The following ELAVL4 variants were observed in gnomAD, a reference collection of about 807,000 sequenced individuals.
The protein encoded by ELAVL4 is ELAV like RNA binding protein 4.
Under a neutral mutation model 35.6 loss-of-function variants are expected in ELAVL4, and 1 was observed. The observed-to-expected ratio is 0.03, with a 90% CI of 0.01 to 0.13. The LOEUF is 0.13. ELAVL4 is among the 10% of genes least tolerant of loss of function. The pLI is 1.00. For missense variants in ELAVL4, 267 were observed against 464.9 expected, an observed-to-expected ratio of 0.57 and a Z score of 3.91; for synonymous variants, 156 against 171.0, an observed-to-expected ratio of 0.91 and a Z score of 0.69.
At chr1:50,073,348 A>G (rs1033640991) in intron 1 of ELAVL4, among the ~76,000 whole-genome samples, 2 of 152,216 alleles carry the variant, frequency 1.3e-5, no homozygotes, top group African/African-American at 4.8e-5. Flanking sequence ...GATATTTGAC[A>G]AATTCTTTTT....
chr1:50,172,313 A>G (rs1679158255), intron 2 of ELAVL4, among the ~76,000 whole-genome samples: 1 of 152,220 alleles, frequency 6.6e-6, no homozygotes, highest in Admixed American at 6.5e-5. Flanking sequence ...TATAACAAAA[A>G]TGCTTAACAC....
Position 50,202,315 on chromosome 1 carries a change from T to C in ELAVL4, c.*1137T>C, listed in dbSNP as rs755430592. On this transcript the variant is annotated 3_prime_UTR_variant, in exon 7 of 7. Coordinates refer to ENST00000371824, the MANE Select transcript of ELAVL4 (RefSeq NM_001144774.3). ...AAAAAGATTAATTTTCCTTTTGATC[T>C]AAAACTTCCTTAGTTTGAGCAGTAG... The C allele has an allele frequency of 2.0e-5, 3 of 152,204 alleles. No homozygotes were observed. Among genetic ancestry groups the C allele is most frequent in the Non-Finnish European group, 4.4e-5 (3 of 68,016 alleles). The allele number at this position is 152,204 out of a possible 1,614,324, so 9.4% of individuals were successfully genotyped here.
upstream of ELAVL4, among the ~76,000 whole-genome samples, chr1:50,103,585 T>C (rs572461888): frequency 1.3e-5 from 2 of 152,324 alleles, no homozygotes; most frequent in Non-Finnish European, 2.9e-5. Context: ...CTAGGTTTAT[T>C]TTTCAAGGGA....
intron 2 of ELAVL4, among the ~76,000 whole-genome samples, chr1:50,165,427 GATATAT>G (rs145697099): frequency 6.1e-5 from 9 of 147,110 alleles, no homozygotes; most frequent in African/African-American, 2.3e-4. Context: ...ACTAACAGGA[GATATAT>G]ATATATATAG....
At chr1:50,093,490 A>G (rs11579246) in intron 1 of ELAVL4, among the ~76,000 whole-genome samples, 14,063 of 152,256 alleles carry the variant, frequency 0.092, 904 homozygotes, top group East Asian at 0.32. Flanking sequence ...GTTGGAAACC[A>G]TAGTGGCTAT....
At position 50,139,976 on chromosome 1, in the gene ELAVL4, T is replaced by C. The variant is rs192120187; in HGVS notation, c.10-4981T>C. On this transcript the variant is annotated intron_variant, in intron 1 of 6. Transcript: ENST00000371824. ...ACGTTATTGTGCACCGCTCTAATAGTTTATCCCTGAAATTTTCTGCCTGTA... is the reference window on the plus strand; with the variant it reads ...ACGTTATTGTGCACCGCTCTAATAGCTTATCCCTGAAATTTTCTGCCTGTA... Among the ~76,000 whole-genome samples, 9 of 152,346 alleles carry C rather than the reference T, an allele frequency of 5.9e-5. No homozygotes were observed. In the East Asian group the frequency reaches 1.7e-3, roughly 29 times the overall value.
At chr1:50,076,436 C>T (rs1664769261) in intron 1 of ELAVL4, among the ~76,000 whole-genome samples, 1 of 152,124 alleles carries the variant, frequency 6.6e-6, no homozygotes, top group African/African-American at 2.4e-5. Context: ...TCTTACTGTG[C>T]TTACTTCATA....
At chr1:50,130,575 A>G (rs998266405) in intron 1 of ELAVL4, among the ~76,000 whole-genome samples, 1 of 152,212 alleles carries the variant, frequency 6.6e-6, no homozygotes, top group Non-Finnish European at 1.5e-5. Flanking sequence ...AATCAGCATT[A>G]TAACAGGATT....
Position 50,194,915 on chromosome 1 carries a change from C to T in ELAVL4, c.509-646C>T, listed in dbSNP as rs897637166. Among the ~76,000 whole-genome samples, 27 of 152,164 alleles carry T rather than the reference C, an allele frequency of 1.8e-4. No homozygotes were observed. In the East Asian group the frequency reaches 4.3e-3, roughly 24 times the overall value. ...TGGAATCGAGGAAGAACAGTCTATT[C>T]GAGGAGGATCAGGCAGTTCAGGGTG... On this transcript the variant is annotated intron_variant, in intron 4 of 6. Coordinates refer to ENST00000371824, the MANE Select transcript of ELAVL4 (RefSeq NM_001144774.3).
intron 4 of ELAVL4, among the ~76,000 whole-genome samples, 158 bp from the exon 5 acceptor site, chr1:50,195,403 G>A (rs960982394): frequency 2.6e-5 from 4 of 152,200 alleles, no homozygotes; most frequent in African/African-American, 9.7e-5. Context: ...GCAGGTAAAC[G>A]TGTTTTGATT....
intron 1 of ELAVL4, among the ~76,000 whole-genome samples, chr1:50,064,187 A>T (rs1045773408): frequency 6.6e-6 from 1 of 152,084 alleles, no homozygotes; most frequent in African/African-American, 2.4e-5. Flanking sequence ...TACCCCTGGG[A>T]AGTTAGGTTG....
At chr1:50,088,287 A>G (rs1665337412) in intron 1 of ELAVL4, among the ~76,000 whole-genome samples, 1 of 152,202 alleles carries the variant, frequency 6.6e-6, no homozygotes, top group African/African-American at 2.4e-5. Context: ...TGAGTTCCTG[A>G]AATCACTTAA....
upstream of ELAVL4, among the ~76,000 whole-genome samples, chr1:50,105,353 A>G (rs1314294785): frequency 6.6e-6 from 1 of 152,216 alleles, no homozygotes; most frequent in African/African-American, 2.4e-5. Context: ...CCTTTGCTGA[A>G]TGAAACAAAG....
chr1:50,192,514 TGCAC>T lies in ELAVL4; in HGVS notation c.355-1246_355-1243del, dbSNP rs1221928890. ...TTCCTTTTGCACACATGCTTTTGTGTGCACGCACACACACACACACACACACACA... is the reference window on the plus strand; with the variant it reads ...TTCCTTTTGCACACATGCTTTTGTGTGCACACACACACACACACACACACA... On this transcript the variant is annotated intron_variant, in intron 3 of 6. Coordinates refer to ENST00000371824, the MANE Select transcript of ELAVL4 (RefSeq NM_001144774.3). Among the ~76,000 whole-genome samples, 324 of 88,212 alleles carry T rather than the reference TGCAC, an allele frequency of 3.7e-3. 2 individuals are homozygous for T. Among genetic ancestry groups the T allele is most frequent in the Non-Finnish European group, 6.6e-3 (269 of 41,006 alleles). 57.9% of individuals were successfully genotyped at this position (88,212 alleles called of 152,430 possible).
At chr1:50,199,466 G>A (rs981637955) in intron 6 of ELAVL4, among the ~76,000 whole-genome samples, 15 of 152,132 alleles carry the variant, frequency 9.9e-5, no homozygotes, top group Admixed American at 5.2e-4. Context: ...ACCATTTTGG[G>A]AGGCCAAGGT....
At chr1:50,177,651 G>A (rs1036565558) in intron 3 of ELAVL4, among the ~76,000 whole-genome samples, 3 of 152,166 alleles carry the variant, frequency 2.0e-5, no homozygotes, top group African/African-American at 7.2e-5. Flanking sequence ...ATGGGAGGTG[G>A]CAGGGCCAAA....
At chr1:50,176,409 G>A (rs1680037832) in intron 2 of ELAVL4, among the ~76,000 whole-genome samples, 1 of 152,174 alleles carries the variant, frequency 6.6e-6, no homozygotes, top group African/African-American at 2.4e-5. Flanking sequence ...CACATCTCCA[G>A]TCTTTGCTAC....
chr1:50,163,229 C>T (rs1422508626), intron 2 of ELAVL4, among the ~76,000 whole-genome samples: 1 of 152,142 alleles, frequency 6.6e-6, no homozygotes, highest in East Asian at 1.9e-4. Flanking sequence ...TCACATCCTC[C>T]AGAAAGCCCT....
At chr1:50,138,306 A>T (rs546733808) in intron 1 of ELAVL4, among the ~76,000 whole-genome samples, 1 of 152,318 alleles carries the variant, frequency 6.6e-6, no homozygotes, top group African/African-American at 2.4e-5. Context: ...TCTGGAGATA[A>T]TAGATTGGCT....
Sources: gnomAD v4.1 joint callset for allele counts (sites outside exome capture counted in the v4.1 genomes callset) on GRCh38, gnomAD v4.1.1 for gene constraint, MANE v1.5 for transcripts, NCBI Gene and HGNC (gene_info 2026-07-23, HGNC 2026-07-21) for gene names.